VPS41: variants seen among roughly 807,000 people sequenced by gnomAD.
VPS41 encodes vacuolar protein sorting-associated protein 41 homolog.
A neutral mutation model predicts 130.9 loss-of-function variants in VPS41; 85 were observed. That is an observed-to-expected ratio of 0.65 (90% CI 0.55 to 0.78). The LOEUF is 0.78. Ranked by LOEUF, VPS41 falls within the 30% of genes least tolerant of loss-of-function variation. VPS41 has a pLI of 0.00. For missense variants in VPS41, 874 were observed against 1,018.7 expected (o/e 0.86, Z 1.93); for synonymous variants, 335 against 332.9 (o/e 1.01, Z -0.07).
intron 5 of VPS41, among the ~76,000 whole-genome samples, chr7:38,828,037 G>A (rs1317535737): frequency 1.3e-5 from 2 of 152,048 alleles, no homozygotes; most frequent in Non-Finnish European, 2.9e-5. Context: ...AACAAAAGTA[G>A]GCTGGTTTCA....
At chr7:38,754,807 C>T in intron 20 of VPS41, 55 bp from the exon 21 acceptor site, 2 of 1,590,102 alleles carry the variant, frequency 1.3e-6, no homozygotes, top group African/African-American at 1.3e-5. Flanking sequence ...AAGACAGCTA[C>T]AAAATTATCT....
intron 2 of VPS41, among the ~76,000 whole-genome samples, chr7:38,891,542 T>G (rs1382152543): frequency 6.6e-6 from 1 of 152,216 alleles, no homozygotes; most frequent in Non-Finnish European, 1.5e-5. Context: ...TTTACACAGT[T>G]ACATACATGG....
At position 38,772,465 on chromosome 7, in the gene VPS41, TTCTC is replaced by T. The variant is rs1158006258; in HGVS notation, c.1128+53_1128+56del. On this transcript the variant is annotated intron_variant, in intron 13 of 28. Transcript: ENST00000310301. Reference sequence around the variant, plus strand: ...AGATTTATTACAAAAACATTTTATCTTCTCTCTCTATGCTGTAGATGAGTCAATA... The same window carrying T: ...AGATTTATTACAAAAACATTTTATCTTCTCTATGCTGTAGATGAGTCAATA... 8.6e-6 allele frequency: 10 copies of T among 1,157,526 alleles called. No homozygotes were observed. In the East Asian group the frequency reaches 1.0e-4, roughly 12 times the overall value. The allele number at this position is 1,157,526 out of a possible 1,614,324, so 71.7% of individuals were successfully genotyped here.
At chr7:38,876,943 A>G (rs540357381) in intron 2 of VPS41, among the ~76,000 whole-genome samples, 10 of 152,170 alleles carry the variant, frequency 6.6e-5, no homozygotes, top group Non-Finnish European at 1.2e-4. Flanking sequence ...AAAAAATGAG[A>G]AAAGCAAATA....
intron 4 of VPS41, among the ~76,000 whole-genome samples, chr7:38,849,877 G>A (rs1785813299): frequency 6.6e-6 from 1 of 151,838 alleles, no homozygotes; most frequent in South Asian, 2.1e-4. Flanking sequence ...TGGAGCCCTA[G>A]CCAGAGACAC....
chr7:38,802,121 T>G (rs954987348), intron 7 of VPS41, among the ~76,000 whole-genome samples: 2 of 152,212 alleles, frequency 1.3e-5, no homozygotes, highest in Admixed American at 1.3e-4. Context: ...TTGCCAAAAA[T>G]TTGAAAGCTG....
chr7:38,764,286 G>A (rs1484457025), intron 16 of VPS41, among the ~76,000 whole-genome samples: 1 of 152,220 alleles, frequency 6.6e-6, no homozygotes, highest in Non-Finnish European at 1.5e-5. Context: ...AGGACATCTG[G>A]CAGGGGGAAT....
At chr7:38,744,942 T>A (rs939866120) in intron 23 of VPS41, among the ~76,000 whole-genome samples, 13 of 152,214 alleles carry the variant, frequency 8.5e-5, no homozygotes, top group African/African-American at 3.1e-4. Flanking sequence ...ACACCAAATA[T>A]GAATGTTATG....
intron 4 of VPS41, among the ~76,000 whole-genome samples, chr7:38,845,576 T>C (rs2116241370): frequency 6.6e-6 from 1 of 152,352 alleles, no homozygotes; most frequent in South Asian, 2.1e-4. Context: ...GATCAACACC[T>C]TGGACAAGTT....
intron 4 of VPS41, among the ~76,000 whole-genome samples, chr7:38,830,730 A>AGACTCCTGGCTAC (rs1337040713): frequency 6.6e-6 from 1 of 152,234 alleles, no homozygotes; most frequent in Non-Finnish European, 1.5e-5. Flanking sequence ...ATGGAGGATG[A>AGACTCCTGGCTAC]GACTCCTGGC....
intron 4 of VPS41, among the ~76,000 whole-genome samples, chr7:38,854,520 C>T (rs1785936941): frequency 6.6e-6 from 1 of 152,120 alleles, no homozygotes; most frequent in Non-Finnish European, 1.5e-5. Flanking sequence ...GAATGTATGG[C>T]ATCTGTATTA....
intron 5 of VPS41, among the ~76,000 whole-genome samples, chr7:38,821,576 G>A (rs1424835338): frequency 6.6e-6 from 1 of 151,952 alleles, no homozygotes; most frequent in Non-Finnish European, 1.5e-5. Context: ...AGGCATGGTG[G>A]CGTGCATCTG....
intron 2 of VPS41, among the ~76,000 whole-genome samples, chr7:38,870,598 T>C (rs1378829455): frequency 6.6e-6 from 1 of 151,702 alleles, no homozygotes; most frequent in Non-Finnish European, 1.5e-5. Flanking sequence ...GTACTAAGGA[T>C]TCAATAAAAT....
At chr7:38,819,339 G>C (rs1223768304) in intron 6 of VPS41, among the ~76,000 whole-genome samples, 1 of 152,158 alleles carries the variant, frequency 6.6e-6, no homozygotes, top group Non-Finnish European at 1.5e-5. Context: ...GCTCCAAGAA[G>C]CATTCTCTTT....
chr7:38,805,531 C>CA (rs1043764871), intron 7 of VPS41, among the ~76,000 whole-genome samples: 12 of 134,164 alleles, frequency 8.9e-5, no homozygotes, highest in African/African-American at 3.4e-4. Context: ...GAGTCTGTCT[C>CA]AAAAAAACAA....
chr7:38,764,854 A>G (rs1784001330), intron 16 of VPS41, among the ~76,000 whole-genome samples: 1 of 152,122 alleles, frequency 6.6e-6, no homozygotes, highest in Non-Finnish European at 1.5e-5. Flanking sequence ...GATATTCAAA[A>G]AAAAGGTCCA....
At chr7:38,786,338 G>A (rs967019225) in intron 10 of VPS41, among the ~76,000 whole-genome samples, 1 of 152,186 alleles carries the variant, frequency 6.6e-6, no homozygotes, top group Non-Finnish European at 1.5e-5. Context: ...CCTTCTGTTT[G>A]CAATGTATTC....
chr7:38,750,913 A>T (rs1462780950), intron 22 of VPS41, among the ~76,000 whole-genome samples: 1 of 152,206 alleles, frequency 6.6e-6, no homozygotes, highest in Non-Finnish European at 1.5e-5. Flanking sequence ...AAAAGTGAGA[A>T]ACAAATGAAG....
At chr7:38,859,038 T>C (rs1228186092) in intron 4 of VPS41, among the ~76,000 whole-genome samples, 1 of 152,096 alleles carries the variant, frequency 6.6e-6, no homozygotes, top group East Asian at 1.9e-4. Flanking sequence ...GTGATATTGA[T>C]GATCCTGGCC....
Sources: allele counts gnomAD v4.1 joint callset (sites outside exome capture counted in the v4.1 genomes callset), GRCh38; gene constraint gnomAD v4.1.1; transcripts MANE v1.5; gene names NCBI Gene and HGNC (gene_info 2026-07-23, HGNC 2026-07-21).